The following CCNI2 variants were observed in gnomAD, a reference collection of about 807,000 sequenced individuals.
CCNI2 encodes cyclin-I2.
CCNI2 carries 32 observed loss-of-function variants against 33.2 expected under a neutral mutation model. The ratio of observed to expected loss-of-function variants is 0.96; its 90% CI spans 0.73 to 1.30. CCNI2 has a LOEUF of 1.30. Ranked by LOEUF, CCNI2 falls within the 50% of genes most tolerant of loss-of-function variation. The pLI is 0.00. For missense variants in CCNI2, 452 were observed against 486.2 expected, an observed-to-expected ratio of 0.93 and a Z score of 0.66; for synonymous variants, 231 against 219.9, an observed-to-expected ratio of 1.05 and a Z score of -0.45.
chr5:132,749,710 C>T (rs920945621), intron 3 of CCNI2, among the ~76,000 whole-genome samples: 11 of 152,290 alleles, frequency 7.2e-5, no homozygotes, highest in African/African-American at 2.6e-4. Context: ...CTACCTCTCT[C>T]TAAACAGGGG....
At chr5:132,751,794 C>T (rs1331722456) in intron 4 of CCNI2, 172 bp from the exon 5 acceptor site, 1 of 762,234 alleles carries the variant, frequency 1.3e-6, no homozygotes, top group African/African-American at 1.8e-5. Flanking sequence ...TCAGCTTGGC[C>T]ACAGGATGGG....
At chr5:132,751,772 C>T (rs1256917290) in intron 4 of CCNI2, 194 bp from the exon 5 acceptor site, 3 of 640,522 alleles carry the variant, frequency 4.7e-6, no homozygotes, top group Non-Finnish European at 7.8e-6. Context: ...TTTTTGGTCC[C>T]GGAGTGGAAG....
At chr5:132,754,887 A>G (rs1005660334), downstream of CCNI2, among the ~76,000 whole-genome samples, 1 of 152,180 alleles carries the variant, frequency 6.6e-6, no homozygotes. Flanking sequence ...AGATGGAAAA[A>G]GCTCAGAGGC....
chr5:132,751,844 TG>T (rs1468951904), intron 4 of CCNI2, 121 bp from the exon 5 acceptor site: 1 of 1,203,190 alleles, frequency 8.3e-7, no homozygotes, highest in Admixed American at 2.2e-5. Flanking sequence ...TGGATAGGAA[TG>T]AAAAGGGTTG....
intron 1 of CCNI2, 96 bp downstream of exon 1, chr5:132,748,020 C>G (rs1478630607): frequency 8.0e-7 from 1 of 1,255,686 alleles, no homozygotes; most frequent in African/African-American, 1.6e-5. Flanking sequence ...AAACTGGAGG[C>G]CGGGCCCTTC....
Position 132,747,429 on chromosome 5 carries a change from G to C in CCNI2, c.-67G>C. On this transcript the variant is annotated 5_prime_UTR_variant, in exon 1 of 6. Transcript: ENST00000378731. The surrounding 1 kb of genome is among the most constrained non-coding windows in gnomAD (Gnocchi z 4.1). ...CCCCGGCGGCGCCCCAGGCTGCAGT[G>C]TTCCGGGAGCTGGGTTATAAAATGC... The C allele has an allele frequency of 4.5e-6, 6 of 1,346,140 alleles. No individual in the cohort carries two copies. Among genetic ancestry groups the C allele is most frequent in the Non-Finnish European group, 5.7e-6 (6 of 1,047,264 alleles). The allele number at this position is 1,346,140 out of a possible 1,614,324, so 83.4% of individuals were successfully genotyped here.
rs749307408 is a variant in CCNI2, at chr5:132,751,955, A to G, written c.775-11A>G. On this transcript the variant is annotated splice_polypyrimidine_tract_variant and intron_variant, in intron 4 of 5. Coordinates refer to ENST00000378731, the MANE Select transcript of CCNI2 (RefSeq NM_001039780.4). ...GTTTTCTGTTCTAACATTAAAAACCATGGTCTCCAGTTCCATGCCCTGGTG... is the reference window on the plus strand; with the variant it reads ...GTTTTCTGTTCTAACATTAAAAACCGTGGTCTCCAGTTCCATGCCCTGGTG... The G allele has an allele frequency of 6.9e-6, 11 of 1,601,468 alleles. No individual in the cohort carries two copies. In the African/African-American group the frequency reaches 1.1e-4, roughly 16 times the overall value.
At position 132,754,327 on chromosome 5, in the gene CCNI2, T is replaced by C; in HGVS notation, c.*1357T>C. ...CCATGCTGCTCACAGCTTCCAGTGG[T>C]GGCCGTTGAGTGCCCTCTGCCTCCT... On this transcript the variant is annotated 3_prime_UTR_variant, in exon 6 of 6. Transcript: ENST00000378731. The C allele has an allele frequency of 2.9e-6, 2 of 701,014 alleles. No individual in the cohort carries two copies. The highest frequency in any genetic ancestry group is 5.3e-6 in the Non-Finnish European group (2 of 376,612). 43.4% of individuals were successfully genotyped at this position (701,014 alleles called of 1,614,324 possible). A position where few individuals can be genotyped will look rare whatever the true frequency, so the allele number is the denominator to read the frequency against.
chr5:132,751,986 G>T lies in CCNI2; in HGVS notation c.795G>T (p.Leu265=). 6.2e-7 allele frequency: 1 copy of T among 1,611,636 alleles called. No individual in the cohort carries two copies. The highest frequency in any genetic ancestry group is 8.5e-7 in the Non-Finnish European group (1 of 1,179,156). Residue 265 remains leucine, a synonymous_variant, in exon 5 of 6, where the codon CTG becomes CTT. Transcript: ENST00000378731. ...TCCAGTTCCATGCCCTGGTGGTCCT[G>T]AGCTGGCCCCATGTGTTGGAGCTGC... ...FLTIFHALVV[L]SWPHVLELLP...
intron 4 of CCNI2, 100 bp downstream of exon 4, chr5:132,751,097 C>A: frequency 7.4e-7 from 1 of 1,356,306 alleles, no homozygotes; most frequent in Non-Finnish European, 1.0e-6. Flanking sequence ...GTGCACACGC[C>A]CTTGCACATG....
At position 132,747,480 on chromosome 5, in the gene CCNI2, G is replaced by A. The variant is rs918901893; in HGVS notation, c.-16G>A. The A allele has an allele frequency of 4.8e-6, 7 of 1,444,860 alleles. No individual in the cohort carries two copies. The highest frequency in any genetic ancestry group is 4.4e-5 in the African/African-American group (3 of 67,560). 89.5% of individuals were successfully genotyped at this position (1,444,860 alleles called of 1,614,324 possible). A position where few individuals can be genotyped will look rare whatever the true frequency, so the allele number is the denominator to read the frequency against. On this transcript the variant is annotated 5_prime_UTR_variant, in exon 1 of 6. Coordinates refer to ENST00000378731, the MANE Select transcript of CCNI2 (RefSeq NM_001039780.4). The surrounding 1 kb of genome is among the most constrained non-coding windows in gnomAD (Gnocchi z 4.1). ...CGGGTTAAGCGGCAACTCAGACTCA[G>A]GATCCCGCTCACGACATGGCCTCGG...
chr5:132,751,775 A>G, intron 4 of CCNI2, 191 bp from the exon 5 acceptor site: 2 of 626,638 alleles, frequency 3.2e-6, no homozygotes, highest in South Asian at 2.2e-5. Context: ...TTGGTCCCGG[A>G]GTGGAAGCTC....
In CCNI2 at chr5:132,747,525, G is replaced by C. The variant is rs772146159; in HGVS notation, c.30G>C (p.Gln10His). Residue 10 changes from glutamine (Q) to histidine (H), a missense_variant, in exon 1 of 6, where the codon CAG becomes CAC. Gln to His is a conservative substitution (Grantham distance 24). Transcript: ENST00000378731. This position sits in a 1 kb window ranked among gnomAD's most constrained non-coding sequence, Gnocchi z 4.1. ...CCTCGGGCGCTCAGCTCCCGCCGCA[G>C]CCGTCGAGCTCAGAGGTCAGCGCCG... is the stretch of plus-strand genomic sequence containing the variant. The part of the protein sequence containing the change: MASGAQLPP[Q>H]PSSSEVSAVQ... 61 of 1,501,232 alleles carry C rather than the reference G, an allele frequency of 4.1e-5. No individual in the cohort carries two copies. Among genetic ancestry groups the C allele is most frequent in the Non-Finnish European group, 5.4e-5 (61 of 1,133,346 alleles). The allele number at this position is 1,501,232 out of a possible 1,614,324, so 93.0% of individuals were successfully genotyped here.
In CCNI2 at chr5:132,753,010, G is replaced by A. The variant is rs1561731451; in HGVS notation, c.*40G>A. 3 of 1,487,026 alleles carry A rather than the reference G, an allele frequency of 2.0e-6. No individual in the cohort carries two copies. Among genetic ancestry groups the A allele is most frequent in the Non-Finnish European group, 1.9e-6 (2 of 1,065,288 alleles). 92.1% of individuals were successfully genotyped at this position (1,487,026 alleles called of 1,614,324 possible). ...CCCCGGGGCTTTCAGAGCATAGTGT[G>A]AAACCTCCTTGCTTGGACTACCATG... On this transcript the variant is annotated 3_prime_UTR_variant, in exon 6 of 6. Coordinates refer to ENST00000378731, the MANE Select transcript of CCNI2 (RefSeq NM_001039780.4).
At position 132,754,126 on chromosome 5, in the gene CCNI2, G is replaced by A. The variant is rs1284438871; in HGVS notation, c.*1156G>A. The A allele has an allele frequency of 2.7e-6, 1 of 376,086 alleles. No homozygotes were observed. The highest frequency in any genetic ancestry group is 2.0e-5 in the African/African-American group (1 of 49,138). 23.3% of individuals were successfully genotyped at this position (376,086 alleles called of 1,614,324 possible). On this transcript the variant is annotated 3_prime_UTR_variant, in exon 6 of 6. Coordinates refer to ENST00000378731, the MANE Select transcript of CCNI2 (RefSeq NM_001039780.4). ...ATTTTTTCTTGACACACTTTTGCTTGTTGGTGCTTTCGTTAAAATTACACT... is the reference window on the plus strand; with the variant it reads ...ATTTTTTCTTGACACACTTTTGCTTATTGGTGCTTTCGTTAAAATTACACT...
In CCNI2 at chr5:132,749,255, CA is replaced by C. The variant is rs1337895543; in HGVS notation, c.559-87del. 2.0e-5 allele frequency: 21 copies of C among 1,072,138 alleles called. No homozygotes were observed. The East Asian group carries it at 2.5e-4, about 13-fold the overall frequency. The allele number at this position is 1,072,138 out of a possible 1,614,324, so 66.4% of individuals were successfully genotyped here. On this transcript the variant is annotated intron_variant, in intron 2 of 5. Coordinates refer to ENST00000378731, the MANE Select transcript of CCNI2 (RefSeq NM_001039780.4). ...TGGGCAACAGAGTGAGACTCCATGTCAAAAAAGTGTATAAAAGAAAACAAAC... is the reference window on the plus strand; with the variant it reads ...TGGGCAACAGAGTGAGACTCCATGTCAAAAAGTGTATAAAAGAAAACAAAC...
Position 132,747,687 on chromosome 5 carries a change from G to C in CCNI2, c.192G>C (p.Ala64=). ...GCCCTGGGACCCGCCAGCCCGGAGC[G>C]GCCTCCCTCCACGCGGCGTCCGCAG... ...SRCPGTRQPG[A]ASLHAASAAV... The change falls in exon 1 of 6, where the codon GCG becomes GCC. Residue 64 remains alanine, a synonymous_variant. Transcript: ENST00000378731. The surrounding 1 kb of genome is among the most constrained non-coding windows in gnomAD (Gnocchi z 4.1). 5 of 1,499,234 alleles carry C rather than the reference G, an allele frequency of 3.3e-6. No homozygotes were observed. The highest frequency in any genetic ancestry group is 4.4e-6 in the Non-Finnish European group (5 of 1,131,550). The allele number at this position is 1,499,234 out of a possible 1,614,324, so 92.9% of individuals were successfully genotyped here. A position where few individuals can be genotyped will look rare whatever the true frequency, so the allele number is the denominator to read the frequency against.
At chr5:132,750,320 C>T (rs1381607232) in intron 3 of CCNI2, among the ~76,000 whole-genome samples, 1 of 152,184 alleles carries the variant, frequency 6.6e-6, no homozygotes, top group Non-Finnish European at 1.5e-5. Context: ...ATTAGTCCCT[C>T]TGTGGGAAAA....
In CCNI2 at chr5:132,753,013, A is replaced by G; in HGVS notation, c.*43A>G. The G allele has an allele frequency of 6.1e-6, 9 of 1,481,530 alleles. No homozygotes were observed. The highest frequency in any genetic ancestry group is 8.5e-6 in the Non-Finnish European group (9 of 1,060,752). The allele number at this position is 1,481,530 out of a possible 1,614,324, so 91.8% of individuals were successfully genotyped here. ...CGGGGCTTTCAGAGCATAGTGTGAA[A>G]CCTCCTTGCTTGGACTACCATGAGT... On this transcript the variant is annotated 3_prime_UTR_variant, in exon 6 of 6. Coordinates refer to ENST00000378731, the MANE Select transcript of CCNI2 (RefSeq NM_001039780.4).
Sources: allele counts gnomAD v4.1 joint callset (sites outside exome capture counted in the v4.1 genomes callset), GRCh38; gene constraint gnomAD v4.1.1; non-coding constraint Gnocchi (gnomAD v3.1); transcripts MANE v1.5; gene names NCBI Gene and HGNC (gene_info 2026-07-23, HGNC 2026-07-21).